Variants in KHDRBS2 observed in about 807,000 individuals in gnomAD.
KHDRBS2 encodes the protein KH domain-containing, RNA-binding, signal transduction-associated protein 2.
In KHDRBS2, 26 loss-of-function variants were observed where a neutral mutation model predicts 44.3. The observed-to-expected ratio is 0.59, with a 90% CI of 0.43 to 0.81. KHDRBS2 has a LOEUF of 0.81. Ranked by LOEUF, KHDRBS2 falls within the 40% of genes least tolerant of loss-of-function variation. KHDRBS2 has a pLI of 0.00. For missense variants in KHDRBS2, 476 were observed against 433.1 expected (o/e 1.10, Z -0.88); for synonymous variants, 194 against 151.1 (o/e 1.28, Z -2.08).
At chr6:61,770,187 C>T (rs536339004) in intron 6 of KHDRBS2, among the ~76,000 whole-genome samples, 4 of 152,198 alleles carry the variant, frequency 2.6e-5, no homozygotes, top group South Asian at 4.1e-4. Context: ...CCCATCTGTA[C>T]GTCACTATCA....
At chr6:61,614,614 G>C in the KHDRBS2 span, among the ~76,000 whole-genome samples, 1 of 152,218 alleles carries the variant, frequency 6.6e-6, no homozygotes, top group East Asian at 1.9e-4. Flanking sequence ...CAGATAAAAG[G>C]AATGGTGAAA....
At chr6:61,654,227 T>C in the KHDRBS2 span, among the ~76,000 whole-genome samples, 3 of 152,078 alleles carry the variant, frequency 2.0e-5, no homozygotes, top group Admixed American at 6.6e-5. Flanking sequence ...TTTCAGTGAA[T>C]TTGAGGGATG....
chr6:61,871,748 C>A (rs769510135), intron 6 of KHDRBS2, among the ~76,000 whole-genome samples: 1 of 152,120 alleles, frequency 6.6e-6, no homozygotes, highest in South Asian at 2.1e-4. Flanking sequence ...TCATATCCAG[C>A]CAAACTAAGC....
the KHDRBS2 span, among the ~76,000 whole-genome samples, chr6:61,602,935 C>T: frequency 3.9e-5 from 6 of 152,104 alleles, no homozygotes; most frequent in South Asian, 8.3e-4. Context: ...TCATTGCCAC[C>T]TTTCCCCCCA....
At chr6:61,830,929 A>G (rs1791695796) in intron 6 of KHDRBS2, among the ~76,000 whole-genome samples, 1 of 152,206 alleles carries the variant, frequency 6.6e-6, no homozygotes, top group South Asian at 2.1e-4. Context: ...TTTATATATC[A>G]TTAGGGGAAA....
the KHDRBS2 span, among the ~76,000 whole-genome samples, chr6:61,673,179 G>A: frequency 6.6e-6 from 1 of 151,966 alleles, no homozygotes; most frequent in African/African-American, 2.4e-5. Context: ...TTATTTCTGA[G>A]GGCTCTGTTC....
At chr6:62,178,505 C>A (rs1821598808) in intron 1 of KHDRBS2, among the ~76,000 whole-genome samples, 1 of 151,294 alleles carries the variant, frequency 6.6e-6, no homozygotes, top group Non-Finnish European at 1.5e-5. Flanking sequence ...TTAAAGATAA[C>A]ATAGTATGTA....
chr6:62,063,091 T>A (rs1340558501), intron 2 of KHDRBS2, among the ~76,000 whole-genome samples: 1 of 135,130 alleles, frequency 7.4e-6, no homozygotes, highest in Non-Finnish European at 1.6e-5. Flanking sequence ...AGAAGTTGAA[T>A]CTCTGAATAG....
chr6:62,062,782 G>A (rs1318290490), intron 2 of KHDRBS2, among the ~76,000 whole-genome samples: 2 of 147,382 alleles, frequency 1.4e-5, no homozygotes, highest in Non-Finnish European at 3.0e-5. Flanking sequence ...GAAAATCAGA[G>A]CAGAACTGAA....
At chr6:62,181,058 AAAG>A (rs1822186808) in intron 1 of KHDRBS2, among the ~76,000 whole-genome samples, 2 of 151,980 alleles carry the variant, frequency 1.3e-5, no homozygotes, top group Non-Finnish European at 2.9e-5. Context: ...AAAGTGAATT[AAAG>A]ACTTAAACAT....
At chr6:61,803,485 A>T (rs1268715736) in intron 6 of KHDRBS2, among the ~76,000 whole-genome samples, 1 of 152,182 alleles carries the variant, frequency 6.6e-6, no homozygotes, top group African/African-American at 2.4e-5. Flanking sequence ...ACTAAATTGT[A>T]CGTACTATAT....
At chr6:62,060,629 C>CTA (rs1283821361) in intron 2 of KHDRBS2, among the ~76,000 whole-genome samples, 1,744 of 148,602 alleles carry the variant, frequency 0.012, 10 homozygotes, top group Non-Finnish European at 0.017. Context: ...CTCTCTCTCT[C>CTA]TCTCTATATA....
At chr6:61,913,897 C>G (rs1806497398) in intron 4 of KHDRBS2, among the ~76,000 whole-genome samples, 1 of 152,038 alleles carries the variant, frequency 6.6e-6, no homozygotes, top group African/African-American at 2.4e-5. Context: ...GCATATGTAT[C>G]AAAGATTTAG....
At chr6:61,885,734 T>TG (rs1242186517) in intron 6 of KHDRBS2, among the ~76,000 whole-genome samples, 4 of 152,126 alleles carry the variant, frequency 2.6e-5, no homozygotes, top group Non-Finnish European at 5.9e-5. Flanking sequence ...ACCTGGGGAT[T>TG]GCAGATAAAA....
At chr6:62,242,414 ACTCTG>A (rs565878313) in intron 1 of KHDRBS2, among the ~76,000 whole-genome samples, 44 of 152,230 alleles carry the variant, frequency 2.9e-4, no homozygotes, top group African/African-American at 9.9e-4. Flanking sequence ...TGTGGTGGTT[ACTCTG>A]CACATTACAG....
chr6:62,055,599 A>T (rs1186935456), intron 2 of KHDRBS2, among the ~76,000 whole-genome samples: 2 of 152,040 alleles, frequency 1.3e-5, no homozygotes, highest in Admixed American at 6.6e-5. Flanking sequence ...TGGCACATGT[A>T]CAAGAGTATT....
intron 6 of KHDRBS2, among the ~76,000 whole-genome samples, chr6:61,822,671 C>T (rs996355647): frequency 3.5e-4 from 53 of 152,074 alleles, no homozygotes; most frequent in African/African-American, 1.2e-3. Context: ...AACTCTCCAG[C>T]TAACCTATTT....
chr6:62,210,495 T>G (rs1427267246), intron 1 of KHDRBS2, among the ~76,000 whole-genome samples: 1 of 151,966 alleles, frequency 6.6e-6, no homozygotes, highest in Admixed American at 6.6e-5. Context: ...CACACCCGGC[T>G]AATTTTTGTA....
chr6:61,936,096 G>C (rs1439182834), intron 4 of KHDRBS2, among the ~76,000 whole-genome samples: 1 of 151,908 alleles, frequency 6.6e-6, no homozygotes, highest in East Asian at 1.9e-4. Flanking sequence ...TTCGCAATGT[G>C]CCCTTTCAGT....
Sources: gnomAD v4.1 joint callset for allele counts (sites outside exome capture counted in the v4.1 genomes callset) on GRCh38, gnomAD v4.1.1 for gene constraint, MANE v1.5 for transcripts, NCBI Gene and HGNC (gene_info 2026-07-23, HGNC 2026-07-21) for gene names.